The following SLC1A6 variants were observed in gnomAD, a reference collection of about 807,000 sequenced individuals.
SLC1A6 encodes solute carrier family 1 member 6, also known as excitatory amino acid transporter 4.
SLC1A6 carries 15 observed loss-of-function variants against 42.1 expected under a neutral mutation model. The observed-to-expected ratio is 0.36, with a 90% confidence interval of 0.24 to 0.55. SLC1A6 has a LOEUF of 0.55. SLC1A6 is among the 20% of genes least tolerant of loss of function. SLC1A6 has a pLI of 0.88. For missense variants in SLC1A6, 542 were observed against 772.5 expected (o/e 0.70, Z 3.54); for synonymous variants, 317 against 319.7 (o/e 0.99, Z 0.09).
chr19:14,950,255 G>A lies in SLC1A6; in HGVS notation c.1635C>T (p.Ser545=). The A allele has an allele frequency of 6.2e-7, 1 of 1,610,248 alleles. No homozygotes were observed. Among genetic ancestry groups the A allele is most frequent in the Non-Finnish European group, 8.5e-7 (1 of 1,177,568 alleles). ...TLPSLGKPYK[S]LMAQEKGASR... ...ATGCCCCCTTCTCCTGTGCCATGAG[G>A]GACTTGTAGGGTTTCCCCAGGCTGG... is the stretch of plus-strand genomic sequence containing the variant. Residue 545 remains serine, a synonymous_variant, in exon 10 of 10, where the codon TCC becomes TCT. Coordinates refer to ENST00000594383, the MANE Select transcript of SLC1A6 (RefSeq NM_005071.3).
chr19:14,984,343 A>C (rs2045782603), upstream of SLC1A6, among the ~76,000 whole-genome samples: 2 of 152,190 alleles, frequency 1.3e-5, no homozygotes, highest in Admixed American at 6.5e-5. Context: ...CTAAAATAAA[A>C]AACAAAAAAA....
At chr19:15,009,407 G>A (rs1186850130) in intron 1 of SLC1A6, among the ~76,000 whole-genome samples, 1 of 151,930 alleles carries the variant, frequency 6.6e-6, no homozygotes, top group East Asian at 1.9e-4. Context: ...ACATATATAT[G>A]CCGTGGAATA....
chr19:14,979,048 TGTCACACACACA>T lies in SLC1A6; in HGVS notation c.-8+249_-8+260del, dbSNP rs2045742725. Among the ~76,000 whole-genome samples the T allele has an allele frequency of 1.2e-5, 1 of 84,380 alleles. No homozygotes were observed. The highest frequency in any genetic ancestry group is 2.5e-5 in the Non-Finnish European group (1 of 40,090). The allele number at this position is 84,380 out of a possible 152,430, so 55.4% of individuals were successfully genotyped here. A position where few individuals can be genotyped will look rare whatever the true frequency, so the allele number is the denominator to read the frequency against. ...CACAAATTCAGTCTCTCTCTCTCTCTGTCACACACACACACACACACACACACACACACACAC... is the reference window on the plus strand; with the variant it reads ...CACAAATTCAGTCTCTCTCTCTCTCTCACACACACACACACACACACACAC... On this transcript the variant is annotated intron_variant, in intron 1 of 9. Coordinates refer to ENST00000594383, the MANE Select transcript of SLC1A6 (RefSeq NM_005071.3). The surrounding 1 kb of genome is among the most constrained non-coding windows in gnomAD (Gnocchi z 4.2).
intron 5 of SLC1A6, among the ~76,000 whole-genome samples, chr19:14,963,805 C>T (rs2045542247): frequency 6.7e-6 from 1 of 150,212 alleles, no homozygotes; most frequent in African/African-American, 2.5e-5. Context: ...TAGCCCTGTG[C>T]TCAGGAAGTC....
chr19:14,981,169 T>C (rs138819115), upstream of SLC1A6, among the ~76,000 whole-genome samples: 230 of 152,066 alleles, frequency 1.5e-3, 1 homozygote, highest in African/African-American at 5.0e-3. Flanking sequence ...GGCACACACC[T>C]GTAGTCCCAG....
chr19:14,951,264 A>AG (rs2045409651), intron 9 of SLC1A6, among the ~76,000 whole-genome samples: 4 of 133,906 alleles, frequency 3.0e-5, no homozygotes, highest in African/African-American at 1.1e-4. Context: ...AAAAAAAAAA[A>AG]AAAAAAAAAA....
chr19:15,000,176 G>A (rs1600038962), intron 1 of SLC1A6, among the ~76,000 whole-genome samples: 1 of 152,172 alleles, frequency 6.6e-6, no homozygotes, highest in Admixed American at 6.5e-5. Context: ...TAGGTTATAT[G>A]TATTAAATGC....
intron 1 of SLC1A6, among the ~76,000 whole-genome samples, chr19:15,008,026 C>CT (rs1206883230): frequency 7.9e-6 from 1 of 127,308 alleles, no homozygotes; most frequent in Non-Finnish European, 1.6e-5. Flanking sequence ...AGTCTGCCCC[C>CT]CCCCCAAAAA....
chr19:14,971,806 GAA>G lies in SLC1A6; in HGVS notation c.272_273del (p.Phe91SerfsTer85). Reference sequence around the variant, plus strand: ...AGCATCCTCATCAGAAGCTCTCCAGGAAAAGAGAAGTACTTGATCTGGCGGTA... The same window carrying G: ...AGCATCCTCATCAGAAGCTCTCCAGGAAGAGAAGTACTTGATCTGGCGGTA... ...LTYRQIKYFS[F>X]PGELLMRMLQ... is the part of the protein sequence containing the mutation. On this transcript the variant is annotated frameshift_variant, in exon 3 of 10. Transcript: ENST00000594383. LOFTEE classifies it high-confidence loss of function. 1 of 1,614,162 alleles carries G rather than the reference GAA, an allele frequency of 6.2e-7. No individual in the cohort carries two copies. The highest frequency in any genetic ancestry group is 8.5e-7 in the Non-Finnish European group (1 of 1,180,006).
chr19:14,964,068 A>G, intron 5 of SLC1A6: 2 of 361,208 alleles, frequency 5.5e-6, no homozygotes, highest in Non-Finnish European at 1.0e-5. Context: ...GCCTCAAGTG[A>G]TCCTCCCACC....
upstream of SLC1A6, among the ~76,000 whole-genome samples, chr19:14,983,431 C>A (rs779754544): frequency 3.6e-4 from 54 of 151,800 alleles, no homozygotes; most frequent in Non-Finnish European, 6.3e-4. Context: ...ACTTGCAATC[C>A]CAGCCGCGCT....
chr19:14,956,476 C>T lies in SLC1A6; in HGVS notation c.1169G>A (p.Ser390Asn). 1 of 1,565,362 alleles carries T rather than the reference C, an allele frequency of 6.4e-7. No individual in the cohort carries two copies. Among genetic ancestry groups the T allele is most frequent in the Non-Finnish European group, 8.7e-7 (1 of 1,151,978 alleles). The change falls in exon 7 of 10, where the codon AGC (serine) becomes AAC (asparagine). Residue 390 changes from serine to asparagine, a missense_variant and splice_region_variant. Around this residue, in one of 6 missense-constraint regions of SLC1A6, gnomAD observed 298 missense variants for 419.4 expected, o/e 0.71. Coordinates refer to ENST00000594383, the MANE Select transcript of SLC1A6 (RefSeq NM_005071.3). ...ALITAMGTSS[S>N]SATLPITFRC... ...GCTGGGGTGGGGAGCAAGGCCATAC[C>T]TGGAAGACGTGCCCATAGCGGTGAT...
intron 2 of SLC1A6, 100 bp from the exon 3 acceptor site, chr19:14,971,974 G>A: frequency 8.6e-7 from 1 of 1,159,738 alleles, no homozygotes; most frequent in South Asian, 1.4e-5. Context: ...GTGGGAGTGA[G>A]GGAGAGAAAT....
At chr19:14,984,427 A>G (rs2145227109), upstream of SLC1A6, among the ~76,000 whole-genome samples, 1 of 152,310 alleles carries the variant, frequency 6.6e-6, no homozygotes, top group East Asian at 1.9e-4. Flanking sequence ...TGAATCTGTA[A>G]TGGTATATTG....
At chr19:14,956,756 C>T in intron 6 of SLC1A6, 47 bp from the exon 7 acceptor site, 1 of 1,332,330 alleles carries the variant, frequency 7.5e-7, no homozygotes, top group South Asian at 1.3e-5. Flanking sequence ...CCTGACCTCC[C>T]TTGCAGGTCT....
intron 7 of SLC1A6, among the ~76,000 whole-genome samples, chr19:14,956,028 C>T (rs2045459694): frequency 6.6e-6 from 1 of 151,674 alleles, no homozygotes; most frequent in South Asian, 2.1e-4. Context: ...TAATTAATCC[C>T]CTAAAACTAC....
rs751022650 is a variant in SLC1A6 at position 14,950,174 on chromosome 19, G to A, written c.*21C>T. 5 of 1,492,366 alleles carry A rather than the reference G, an allele frequency of 3.4e-6. No individual in the cohort carries two copies. In the African/African-American group the frequency reaches 5.6e-5, roughly 17 times the overall value. The allele number at this position is 1,492,366 out of a possible 1,614,324, so 92.4% of individuals were successfully genotyped here. A position where few individuals can be genotyped will look rare whatever the true frequency, so the allele number is the denominator to read the frequency against. On this transcript the variant is annotated 3_prime_UTR_variant, in exon 10 of 10. Transcript: ENST00000594383. Reference sequence around the variant, plus strand: ...CCCAGCCCCCTTCCCTCCTCTCTGGGGGGGCAGAGCTGGAGGCCCCTCACA... The same window carrying A: ...CCCAGCCCCCTTCCCTCCTCTCTGGAGGGGCAGAGCTGGAGGCCCCTCACA...
intron 3 of SLC1A6, 99 bp from the exon 4 acceptor site, chr19:14,968,606 C>G (rs1031457429): frequency 8.0e-5 from 83 of 1,031,388 alleles, no homozygotes; most frequent in Admixed American, 1.7e-4. Context: ...ACTCAACAGC[C>G]GACCCACCAA....
At chr19:14,957,118 C>T (rs1263419218) in intron 6 of SLC1A6, among the ~76,000 whole-genome samples, 1 of 152,180 alleles carries the variant, frequency 6.6e-6, no homozygotes, top group Non-Finnish European at 1.5e-5. Flanking sequence ...CTGCCCCCAA[C>T]TGTTTGTTCC....
Sources: gnomAD v4.1 joint callset for allele counts (sites outside exome capture counted in the v4.1 genomes callset) on GRCh38, gnomAD v4.1.1 for gene constraint, gnomAD v4.1.1 regional missense constraint, Gnocchi (gnomAD v3.1) non-coding constraint, MANE v1.5 for transcripts, NCBI Gene and HGNC (gene_info 2026-07-23, HGNC 2026-07-21) for gene names.